Variants in CDH12 observed in about 807,000 individuals in gnomAD.
CDH12 encodes cadherin-12.
A neutral mutation model predicts 74.1 loss-of-function variants in CDH12; 41 were observed. The observed-to-expected ratio is 0.55, with a 90% CI of 0.43 to 0.72. The LOEUF (loss-of-function observed/expected upper bound fraction) is 0.72, where lower values mean the gene tolerates loss of function less well. CDH12 is among the 30% of genes least tolerant of loss of function. CDH12 has a pLI of 0.00. For synonymous variants in CDH12, 399 were observed against 355.0 expected (o/e 1.12, Z -1.39); for missense variants, 945 against 977.2 (o/e 0.97, Z 0.44).
At chr5:22,601,856 A>ATACTACACTGGATATACTAC (rs1736868887) in intron 1 of CDH12, among the ~76,000 whole-genome samples, 1 of 152,002 alleles carries the variant, frequency 6.6e-6, no homozygotes, top group African/African-American at 2.4e-5. Flanking sequence ...GAAAGGAAGA[A>ATACTACACTGGATATACTAC]ACTGGATATA....
At chr5:21,945,961 A>C (rs1161576010) in intron 6 of CDH12, among the ~76,000 whole-genome samples, 1 of 150,622 alleles carries the variant, frequency 6.6e-6, no homozygotes, top group Non-Finnish European at 1.5e-5. Context: ...GAATACACCC[A>C]AATACATTCA....
chr5:22,055,919 C>T (rs1414478271), intron 5 of CDH12, among the ~76,000 whole-genome samples: 1 of 151,986 alleles, frequency 6.6e-6, no homozygotes, highest in African/African-American at 2.4e-5. Flanking sequence ...TGCATGTTTG[C>T]ACATATTGAT....
chr5:22,620,970 G>A (rs1737940493), intron 1 of CDH12, among the ~76,000 whole-genome samples: 1 of 152,152 alleles, frequency 6.6e-6, no homozygotes, highest in Non-Finnish European at 1.5e-5. Context: ...CAACAGAAAT[G>A]CCTTCACAGA....
At chr5:22,335,033 GA>G (rs1304981010) in intron 3 of CDH12, among the ~76,000 whole-genome samples, 2 of 151,524 alleles carry the variant, frequency 1.3e-5, no homozygotes, top group African/African-American at 2.4e-5. Flanking sequence ...CATAGAAAAG[GA>G]AAAAAATCAA....
At chr5:21,980,757 T>C (rs561347397) in intron 5 of CDH12, among the ~76,000 whole-genome samples, 1 of 152,232 alleles carries the variant, frequency 6.6e-6, no homozygotes, top group Admixed American at 6.5e-5. Context: ...TAATTTCTGA[T>C]TTGGTATTAT....
chr5:22,390,234 G>A (rs139182772), intron 3 of CDH12, among the ~76,000 whole-genome samples: 20 of 152,148 alleles, frequency 1.3e-4, no homozygotes, highest in African/African-American at 3.4e-4. Context: ...CAAGAACCTC[G>A]ACCTTAACAC....
intron 6 of CDH12, among the ~76,000 whole-genome samples, chr5:21,885,613 T>C (rs1294279629): frequency 2.0e-5 from 3 of 152,226 alleles, no homozygotes; most frequent in Non-Finnish European, 4.4e-5. Flanking sequence ...CACTTGTGTA[T>C]TGATTTATAT....
Position 21,751,651 on chromosome 5 carries a change from TGAGA to T in CDH12, c.*82_*85del. The T allele has an allele frequency of 1.0e-6, 1 of 959,098 alleles. No individual in the cohort carries two copies. The highest frequency in any genetic ancestry group is 1.6e-6 in the Non-Finnish European group (1 of 633,636). 59.4% of individuals were successfully genotyped at this position (959,098 alleles called of 1,614,324 possible). A position where few individuals can be genotyped will look rare whatever the true frequency, so the allele number is the denominator to read the frequency against. ...GTGTGTTTGTGTGTGTGTGTGTGTG[TGAGA>T]GAGATTTCTATTAATATTTGTGTTT... On this transcript the variant is annotated 3_prime_UTR_variant, in exon 15 of 15. Transcript: ENST00000382254.
At chr5:22,143,220 T>C (rs1746918173) in intron 4 of CDH12, 1 of 152,812 alleles carries the variant, frequency 6.5e-6, no homozygotes, top group Non-Finnish European at 1.5e-5. Flanking sequence ...ATTAAGCATG[T>C]CTTTGGTGAA....
intron 6 of CDH12, among the ~76,000 whole-genome samples, chr5:21,871,789 C>A (rs1393721563): frequency 6.6e-6 from 1 of 152,064 alleles, no homozygotes; most frequent in Admixed American, 6.6e-5. Flanking sequence ...TCTCCTGCAC[C>A]ACGTGTAGGG....
chr5:21,810,949 A>G (rs551906092), intron 9 of CDH12, among the ~76,000 whole-genome samples: 1 of 152,274 alleles, frequency 6.6e-6, no homozygotes, highest in African/African-American at 2.4e-5. Context: ...GCGTGAAAAA[A>G]GAAAAAGAGT....
intron 5 of CDH12, among the ~76,000 whole-genome samples, chr5:22,069,110 C>T (rs919146481): frequency 6.6e-6 from 1 of 152,186 alleles, no homozygotes; most frequent in African/African-American, 2.4e-5. Context: ...GCCAAACTAC[C>T]ATCTGTGACC....
chr5:21,867,679 G>A (rs1751402693), intron 6 of CDH12, among the ~76,000 whole-genome samples: 2 of 152,214 alleles, frequency 1.3e-5, no homozygotes, highest in South Asian at 4.1e-4. Context: ...ATTGTATCTA[G>A]GAAGTAACTA....
At chr5:22,230,619 C>T (rs770428732) in intron 3 of CDH12, among the ~76,000 whole-genome samples, 41 of 151,742 alleles carry the variant, frequency 2.7e-4, no homozygotes, top group Non-Finnish European at 4.9e-4. Flanking sequence ...TACAGGTGCA[C>T]GCCACCATGC....
At chr5:22,516,915 TG>T (rs1389759249) in intron 1 of CDH12, among the ~76,000 whole-genome samples, 3 of 151,908 alleles carry the variant, frequency 2.0e-5, no homozygotes, top group Non-Finnish European at 2.9e-5. Context: ...TGTTAAAAAA[TG>T]AATGGACAAA....
At chr5:21,819,693 A>G (rs1748257892) in intron 8 of CDH12, among the ~76,000 whole-genome samples, 1 of 152,036 alleles carries the variant, frequency 6.6e-6, no homozygotes. Flanking sequence ...AGGGGTAAAC[A>G]TTATCAAGGA....
At chr5:22,739,814 T>C (rs1560995988) in intron 1 of CDH12, among the ~76,000 whole-genome samples, 1 of 151,904 alleles carries the variant, frequency 6.6e-6, no homozygotes, top group Non-Finnish European at 1.5e-5. Flanking sequence ...TACAATGGAG[T>C]CATGTACCCT....
intron 4 of CDH12, among the ~76,000 whole-genome samples, chr5:22,174,061 TATC>T (rs971739116): frequency 7.2e-5 from 11 of 152,020 alleles, no homozygotes; most frequent in African/African-American, 1.9e-4. Flanking sequence ...TACGAATAAA[TATC>T]ATTTCATTTT....
At chr5:22,375,440 A>ATAGACATATG (rs1167374127) in intron 3 of CDH12, among the ~76,000 whole-genome samples, 1 of 152,156 alleles carries the variant, frequency 6.6e-6, no homozygotes, top group East Asian at 1.9e-4. Flanking sequence ...TGTAACACAA[A>ATAGACATATG]TAGACATATG....
Sources: allele counts gnomAD v4.1 joint callset (sites outside exome capture counted in the v4.1 genomes callset), GRCh38; gene constraint gnomAD v4.1.1; transcripts MANE v1.5; gene names NCBI Gene and HGNC (gene_info 2026-07-23, HGNC 2026-07-21).